MED26: variants seen among roughly 807,000 people sequenced by gnomAD.
MED26 encodes mediator of RNA polymerase II transcription subunit 26.
Under a neutral mutation model 43.7 loss-of-function variants are expected in MED26, and 7 were observed. That is an observed-to-expected ratio of 0.16 (90% CI 0.09 to 0.30). The LOEUF is 0.30. Ranked by LOEUF, MED26 falls within the 10% of genes least tolerant of loss-of-function variation. The probability of loss-of-function intolerance (pLI) is 1.00; values close to 1 mark genes in which losing one functional copy is unlikely to be tolerated. For synonymous variants in MED26, 375 were observed against 371.1 expected, an observed-to-expected ratio of 1.01 and a Z score of -0.12; for missense variants, 784 against 840.6, an observed-to-expected ratio of 0.93 and a Z score of 0.83.
rs1182016631 is a variant in MED26 at position 16,576,878 on chromosome 19, G to A, written c.952C>T (p.Leu318=). ...DATQVPSPLP[L]AQPSTPPVRR... ...ACGGGGGGTGTGGACGGCTGTGCCA[G>A]TGGAAGCGGTGACGGCACCTGTGTG... The change falls in exon 3 of 3, where the codon CTG becomes TTG. Residue 318 remains leucine (L), a synonymous_variant. Transcript: ENST00000263390. The surrounding 1 kb of genome is among the most constrained non-coding windows in gnomAD (Gnocchi z 6.8). The A allele has an allele frequency of 6.2e-7, 1 of 1,609,086 alleles. No individual in the cohort carries two copies. The highest frequency in any genetic ancestry group is 8.5e-7 in the Non-Finnish European group (1 of 1,177,578).
chr19:16,605,473 A>C (rs1340919386), intron 1 of MED26, among the ~76,000 whole-genome samples: 1 of 152,222 alleles, frequency 6.6e-6, no homozygotes, highest in Non-Finnish European at 1.5e-5. Flanking sequence ...GGAAAGGGGA[A>C]ATGGATAGAA....
In MED26 at chr19:16,577,724, A is replaced by C. The variant is rs772987024; in HGVS notation, c.148-42T>G. The C allele has an allele frequency of 6.7e-7, 1 of 1,483,852 alleles. No homozygotes were observed. Among genetic ancestry groups the C allele is most frequent in the South Asian group, 1.3e-5 (1 of 77,758 alleles). 91.9% of individuals were successfully genotyped at this position (1,483,852 alleles called of 1,614,324 possible). A position where few individuals can be genotyped will look rare whatever the true frequency, so the allele number is the denominator to read the frequency against. ...ATGATGACATACTTTCGGGACAGGA[A>C]CTTCTCCATGAGCTGAGCCAGAAAT... On this transcript the variant is annotated intron_variant, in intron 2 of 2. Coordinates refer to ENST00000263390, the MANE Select transcript of MED26 (RefSeq NM_004831.5). The surrounding 1 kb of genome is among the most constrained non-coding windows in gnomAD (Gnocchi z 8.1).
At chr19:16,627,125 GAA>G (rs2086281861) in intron 1 of MED26, among the ~76,000 whole-genome samples, 1 of 152,120 alleles carries the variant, frequency 6.6e-6, no homozygotes, top group African/African-American at 2.4e-5. Context: ...AAACGGGAGA[GAA>G]AAGTCCTCTT....
chr19:16,626,125 G>A (rs2086273756), intron 1 of MED26, among the ~76,000 whole-genome samples: 1 of 152,068 alleles, frequency 6.6e-6, no homozygotes, highest in African/African-American at 2.4e-5. Context: ...GAGGTCACTG[G>A]AGTGACCTAA....
At position 16,627,854 on chromosome 19, in the gene MED26, C is replaced by T. The variant is rs1221551011; in HGVS notation, c.72+18G>A. The T allele has an allele frequency of 7.5e-6, 11 of 1,472,778 alleles. No homozygotes were observed. The highest frequency in any genetic ancestry group is 1.5e-5 in the African/African-American group (1 of 68,694). The allele number at this position is 1,472,778 out of a possible 1,614,324, so 91.2% of individuals were successfully genotyped here. A position where few individuals can be genotyped will look rare whatever the true frequency, so the allele number is the denominator to read the frequency against. On this transcript the variant is annotated intron_variant, in intron 1 of 2. Transcript: ENST00000263390. Reference sequence around the variant, plus strand: ...GGCCCATGCGGCCTCCGTCCCAGCTCGCGCGGCGGGTACTTACGTTGCTCT... The same window carrying T: ...GGCCCATGCGGCCTCCGTCCCAGCTTGCGCGGCGGGTACTTACGTTGCTCT...
Position 16,576,790 on chromosome 19 carries a change from C to T in MED26, c.1040G>A (p.Ser347Asn), listed in dbSNP as rs2086004956. The part of the protein sequence containing the change: ...SPVCWLEQPE[S>N]HQRLAGPGCK... ...GCCCGGCCCCGCCAGCCGCTGGTGG[C>T]TCTCAGGCTGCTCAAGCCAGCACAC... is the stretch of plus-strand genomic sequence containing the variant. The change falls in exon 3 of 3, where the codon AGC becomes AAC. Residue 347 changes from serine (S) to asparagine (N), a missense_variant. This residue lies in a region of MED26 where 719 missense variants were observed against 730.9 expected (regional missense o/e 0.98). Coordinates refer to ENST00000263390, the MANE Select transcript of MED26 (RefSeq NM_004831.5). The surrounding 1 kb of genome is among the most constrained non-coding windows in gnomAD (Gnocchi z 6.8). The T allele has an allele frequency of 1.9e-6, 3 of 1,607,992 alleles. No homozygotes were observed. Among genetic ancestry groups the T allele is most frequent in the Non-Finnish European group, 2.5e-6 (3 of 1,178,814 alleles).
chr19:16,609,333 A>AG (rs2086188808), intron 1 of MED26, among the ~76,000 whole-genome samples: 1 of 150,684 alleles, frequency 6.6e-6, no homozygotes, highest in Non-Finnish European at 1.5e-5. Context: ...AAAAAAAAAA[A>AG]AAAAGAGAGA....
chr19:16,588,443 C>G (rs1184717082), intron 1 of MED26: 1 of 152,348 alleles, frequency 6.6e-6, no homozygotes, highest in East Asian at 1.9e-4. Flanking sequence ...AACAGCGCAC[C>G]CTGTGCCGCC....
At chr19:16,623,235 G>C (rs938561297) in intron 1 of MED26, among the ~76,000 whole-genome samples, 1 of 152,044 alleles carries the variant, frequency 6.6e-6, no homozygotes, top group Non-Finnish European at 1.5e-5. Context: ...TCCATTTCCC[G>C]AAGTCAGAGA....
chr19:16,601,304 C>T lies in MED26; in HGVS notation c.73-22895G>A, dbSNP rs1436519996. On this transcript the variant is annotated intron_variant, in intron 1 of 2. Coordinates refer to ENST00000263390, the MANE Select transcript of MED26 (RefSeq NM_004831.5). The stretch of plus-strand genomic sequence containing the variant: ...CCGAGTAGCTGGGATTACAGGCATG[C>T]GCCACCACGCCCAGCTAATTTTGTA... Among the ~76,000 whole-genome samples, 9 of 152,082 alleles carry T rather than the reference C, an allele frequency of 5.9e-5. No homozygotes were observed. In the South Asian group the frequency reaches 6.2e-4, roughly 11 times the overall value.
Position 16,577,519 on chromosome 19 carries a change from G to A in MED26, c.311C>T (p.Ala104Val). 1 of 1,602,632 alleles carries A rather than the reference G, an allele frequency of 6.2e-7. No individual in the cohort carries two copies. Among genetic ancestry groups the A allele is most frequent in the Non-Finnish European group, 8.5e-7 (1 of 1,173,908 alleles). The change falls in exon 3 of 3, where the codon GCC (alanine) becomes GTC (valine). Residue 104 changes from alanine to valine, a missense_variant. Coordinates refer to ENST00000263390, the MANE Select transcript of MED26 (RefSeq NM_004831.5). This position sits in a 1 kb window ranked among gnomAD's most constrained non-coding sequence, Gnocchi z 8.1. ...CCGGCAGTTGTGTGCGCCCCCGTTG[G>A]CAGAGCCGGTGGCCCCCGCCAGCCC... ...LRGLAGATGS[A>V]NGGAHNCRPE...
intron 1 of MED26, among the ~76,000 whole-genome samples, chr19:16,621,004 AG>A (rs1247799609): frequency 3.3e-5 from 5 of 152,226 alleles, no homozygotes; most frequent in African/African-American, 1.2e-4. Flanking sequence ...AGGAATTTAA[AG>A]GGGGAAAAGT....
chr19:16,580,685 T>G (rs1015788207), intron 1 of MED26, among the ~76,000 whole-genome samples: 1 of 152,120 alleles, frequency 6.6e-6, no homozygotes, highest in Non-Finnish European at 1.5e-5. Flanking sequence ...GTTCAGCTCT[T>G]TACACTACAG....
chr19:16,626,898 A>G (rs534090698), intron 1 of MED26, among the ~76,000 whole-genome samples: 3 of 151,920 alleles, frequency 2.0e-5, no homozygotes, highest in Non-Finnish European at 4.4e-5. Context: ...AGAAAATATG[A>G]GAATAGATCA....
intron 1 of MED26, among the ~76,000 whole-genome samples, chr19:16,579,681 G>A (rs1056618242): frequency 1.3e-5 from 2 of 152,196 alleles, no homozygotes; most frequent in African/African-American, 4.8e-5. Flanking sequence ...GGAAACCACA[G>A]TGAGTAGATT....
At chr19:16,607,731 T>C (rs2086180494) in intron 1 of MED26, among the ~76,000 whole-genome samples, 1 of 136,458 alleles carries the variant, frequency 7.3e-6, no homozygotes, top group African/African-American at 2.6e-5. Context: ...CATTATGAGA[T>C]TTTTTTTTAA....
chr19:16,621,401 C>T (rs922533232), intron 1 of MED26, among the ~76,000 whole-genome samples: 10 of 152,224 alleles, frequency 6.6e-5, no homozygotes, highest in Non-Finnish European at 1.5e-4. Flanking sequence ...ACAGAGACTG[C>T]TGCTGGCACA....
rs375959752 is a variant in MED26, at chr19:16,576,501, C to A, written c.1329G>T (p.Val443=). 5.6e-6 allele frequency: 9 copies of A among 1,614,120 alleles called. No homozygotes were observed. In the African/African-American group the frequency reaches 1.1e-4, roughly 19 times the overall value. The stretch of plus-strand genomic sequence containing the variant: ...CCATGTGCACAGGGCTGTCTGCCCG[C>A]ACTGGCTCTTTCTGGGTCAGAGGTT... ...QIKPLTQKEP[V]RADSPVHMEQ... is the part of the protein sequence containing the mutation. Residue 443 remains valine (V), a synonymous_variant, in exon 3 of 3, where the codon GTG becomes GTT. Transcript: ENST00000263390. This position sits in a 1 kb window ranked among gnomAD's most constrained non-coding sequence, Gnocchi z 6.8.
chr19:16,600,283 A>C (rs1401972678), intron 1 of MED26, among the ~76,000 whole-genome samples: 1 of 152,158 alleles, frequency 6.6e-6, no homozygotes, highest in African/African-American at 2.4e-5. Context: ...AGGCTGAGGA[A>C]AGGAGAGCAG....
Sources: gnomAD v4.1 joint callset for allele counts (sites outside exome capture counted in the v4.1 genomes callset) on GRCh38, gnomAD v4.1.1 for gene constraint, gnomAD v4.1.1 regional missense constraint, Gnocchi (gnomAD v3.1) non-coding constraint, MANE v1.5 for transcripts, NCBI Gene and HGNC (gene_info 2026-07-23, HGNC 2026-07-21) for gene names.